The following TPGS2 variants were observed in gnomAD, a reference collection of about 807,000 sequenced individuals.
TPGS2 encodes polyglutamylase subunit 2.
A neutral mutation model predicts 31.1 loss-of-function variants in TPGS2; 26 were observed. That is an observed-to-expected ratio of 0.84 (90% confidence interval 0.61 to 1.16). The LOEUF (loss-of-function observed/expected upper bound fraction) is 1.16, where lower values mean the gene tolerates loss of function less well. Among genes scored for constraint, TPGS2 ranks in the 50% most tolerant of loss-of-function variants. TPGS2 has a pLI of 0.00. For missense variants in TPGS2, 351 were observed against 363.8 expected (o/e 0.96, Z 0.29); for synonymous variants, 130 against 136.6 (o/e 0.95, Z 0.34).
At chr18:36,786,688 A>G in intron 6 of TPGS2, 1 of 602,780 alleles carries the variant, frequency 1.7e-6, no homozygotes, top group Non-Finnish European at 2.4e-6. Context: ...AAACCACAAA[A>G]GGGAGGGGGT....
chr18:36,781,923 CT>C (rs1298330514), downstream of TPGS2: 1 of 985,156 alleles, frequency 1.0e-6, no homozygotes, highest in Non-Finnish European at 1.2e-6. Flanking sequence ...GTTTAATCAC[CT>C]TATTGAAAAG....
At position 36,795,601 on chromosome 18, in the gene TPGS2, C is replaced by G. The variant is rs191844066; in HGVS notation, c.*1204G>C. ...CATTCCTAATTGAAAATCTGAGCAA[C>G]CTTCTCTGTAAAAATTTCATTAAAT... is the stretch of plus-strand genomic sequence containing the variant. On this transcript the variant is annotated 3_prime_UTR_variant, in exon 7 of 7. Coordinates refer to ENST00000334295, the MANE Select transcript of TPGS2 (RefSeq NM_015476.4). 1.0e-6 allele frequency: 1 copy of G among 985,410 alleles called. No individual in the cohort carries two copies. Among genetic ancestry groups the G allele is most frequent in the Non-Finnish European group, 1.2e-6 (1 of 829,938 alleles). 61.0% of individuals were successfully genotyped at this position (985,410 alleles called of 1,614,324 possible).
Position 36,796,224 on chromosome 18 carries a change from AAATT to A in TPGS2, c.*577_*580del, listed in dbSNP as rs1195054768. ...ATGAAGACATCAACATTAACAACAA[AAATT>A]AATTGAGGAAGAGCAGTATGAAAAT... is the stretch of plus-strand genomic sequence containing the variant. On this transcript the variant is annotated 3_prime_UTR_variant, in exon 7 of 7. Coordinates refer to ENST00000334295, the MANE Select transcript of TPGS2 (RefSeq NM_015476.4). The A allele has an allele frequency of 2.1e-5, 21 of 985,330 alleles. No homozygotes were observed. The highest frequency in any genetic ancestry group is 2.4e-5 in the Non-Finnish European group (20 of 829,946). 61.0% of individuals were successfully genotyped at this position (985,330 alleles called of 1,614,324 possible). A position where few individuals can be genotyped will look rare whatever the true frequency, so the allele number is the denominator to read the frequency against.
chr18:36,783,914 CCA>C (rs1467439956), intron 6 of TPGS2, among the ~76,000 whole-genome samples: 7 of 151,946 alleles, frequency 4.6e-5, no homozygotes, highest in Non-Finnish European at 1.0e-4. Context: ...TTCTCTAAAC[CCA>C]GTCATGAGTG....
intron 2 of TPGS2, chr18:36,817,677 A>C (rs2045717134): frequency 6.6e-6 from 1 of 152,206 alleles, no homozygotes; most frequent in Non-Finnish European, 1.5e-5. Context: ...GCCTCAAGCA[A>C]TCCTCTGCCC....
chr18:36,798,257 C>A, intron 6 of TPGS2, 192 bp downstream of exon 6: 1 of 1,401,050 alleles, frequency 7.1e-7, no homozygotes, highest in South Asian at 1.7e-5. Flanking sequence ...AGTTTGGGAA[C>A]CACTTAACTA....
chr18:36,793,227 A>T (rs370105033), downstream of TPGS2, among the ~76,000 whole-genome samples: 2 of 152,214 alleles, frequency 1.3e-5, no homozygotes, highest in East Asian at 3.8e-4. Context: ...GCATGAGCGG[A>T]GGAGACATGT....
chr18:36,825,160 C>T (rs752948235), intron 1 of TPGS2, among the ~76,000 whole-genome samples: 15 of 152,090 alleles, frequency 9.9e-5, no homozygotes, highest in African/African-American at 2.2e-4. Context: ...AGGCCGGGCA[C>T]GGTGGCTCAC....
At chr18:36,814,422 A>C (rs948487585) in intron 2 of TPGS2, among the ~76,000 whole-genome samples, 1 of 152,354 alleles carries the variant, frequency 6.6e-6, no homozygotes, top group East Asian at 1.9e-4. Context: ...AAGGTTGTTC[A>C]TATTTCCCTC....
chr18:36,808,687 T>C (rs1878415993), intron 2 of TPGS2, among the ~76,000 whole-genome samples: 1 of 151,910 alleles, frequency 6.6e-6, no homozygotes, highest in African/African-American at 2.4e-5. Flanking sequence ...ACTTATGCAA[T>C]GTCTAAGTTC....
chr18:36,788,329 CCA>C (rs2150527985), intron 6 of TPGS2, among the ~76,000 whole-genome samples: 1 of 152,304 alleles, frequency 6.6e-6, no homozygotes, highest in South Asian at 2.1e-4. Flanking sequence ...GGGTCTAGAA[CCA>C]CGTGTGGTAG....
intron 2 of TPGS2, among the ~76,000 whole-genome samples, chr18:36,818,067 T>C (rs920211777): frequency 6.6e-6 from 1 of 152,212 alleles, no homozygotes; most frequent in African/African-American, 2.4e-5. Context: ...GAGCTCTCTC[T>C]ACCTTGCTCT....
At chr18:36,806,780 G>T (rs2045155860) in intron 3 of TPGS2, among the ~76,000 whole-genome samples, 1 of 149,496 alleles carries the variant, frequency 6.7e-6, no homozygotes, top group Admixed American at 6.7e-5. Flanking sequence ...GAACCTGGGA[G>T]GCGGAGGTTG....
At chr18:36,803,726 AG>A (rs1420184049) in intron 4 of TPGS2, among the ~76,000 whole-genome samples, 3 of 152,030 alleles carry the variant, frequency 2.0e-5, no homozygotes, top group African/African-American at 4.8e-5. Context: ...AGGCTAACTC[AG>A]GTCTCAATAA....
chr18:36,824,992 C>T (rs1600850703), intron 1 of TPGS2, among the ~76,000 whole-genome samples: 2 of 152,100 alleles, frequency 1.3e-5, no homozygotes, highest in African/African-American at 4.8e-5. Context: ...TTGGCTCTTA[C>T]ATTTAGGTCT....
Position 36,796,873 on chromosome 18 carries a change from G to T in TPGS2, c.835C>A (p.Pro279Thr). ...GTGGAGGAAGTGGAGGGACCGGAGG[G>T]TCCTGAGGGCCCTTTCTGGCCACCT... ...PAGGQKGPSG[P>T]SGPSTSSTSK... The change falls in exon 7 of 7, where the codon CCC (proline) becomes ACC (threonine). Residue 279 changes from proline to threonine, a missense_variant. Coordinates refer to ENST00000334295, the MANE Select transcript of TPGS2 (RefSeq NM_015476.4). 1 of 1,611,740 alleles carries T rather than the reference G, an allele frequency of 6.2e-7. No homozygotes were observed. The highest frequency in any genetic ancestry group is 8.5e-7 in the Non-Finnish European group (1 of 1,179,270).
downstream of TPGS2, among the ~76,000 whole-genome samples, chr18:36,780,683 C>T (rs2043988236): frequency 6.6e-6 from 1 of 152,198 alleles, no homozygotes; most frequent in Non-Finnish European, 1.5e-5. Flanking sequence ...TCCGTAAGAA[C>T]ATGTCACTGA....
At chr18:36,790,351 G>T (rs1192972710), downstream of TPGS2, among the ~76,000 whole-genome samples, 1 of 152,236 alleles carries the variant, frequency 6.6e-6, no homozygotes, top group Non-Finnish European at 1.5e-5. Flanking sequence ...GTTCACAGAA[G>T]ATTTTATCCA....
chr18:36,812,019 G>C (rs895215347), intron 2 of TPGS2, among the ~76,000 whole-genome samples: 6 of 152,172 alleles, frequency 3.9e-5, no homozygotes, highest in African/African-American at 1.4e-4. Context: ...GTCCAAAACA[G>C]AAGGTTTCTA....
Sources: gnomAD v4.1 joint callset for allele counts (sites outside exome capture counted in the v4.1 genomes callset) on GRCh38, gnomAD v4.1.1 for gene constraint, MANE v1.5 for transcripts, NCBI Gene and HGNC (gene_info 2026-07-23, HGNC 2026-07-21) for gene names.